Variants in RANBP2 observed in about 807,000 individuals in gnomAD.
RANBP2 encodes RAN binding protein 2.
RANBP2 carries 57 observed loss-of-function variants against 303.6 expected under a neutral mutation model. That is an observed-to-expected ratio of 0.19 (90% confidence interval 0.15 to 0.23). RANBP2 has a LOEUF of 0.23. Ranked by LOEUF, RANBP2 falls within the 10% of genes least tolerant of loss-of-function variation. The pLI, the probability that RANBP2 is intolerant of heterozygous loss-of-function variation, is 1.00. For synonymous variants in RANBP2, 1,167 were observed against 1,301.5 expected, an observed-to-expected ratio of 0.90 and a Z score of 2.23; for missense variants, 3,138 against 3,780.8, an observed-to-expected ratio of 0.83 and a Z score of 4.46.
At chr2:109,157,564 T>A in the RANBP2 span, among the ~76,000 whole-genome samples, 1 of 152,212 alleles carries the variant, frequency 6.6e-6, no homozygotes, top group Non-Finnish European at 1.5e-5. Flanking sequence ...AAAGATTTCC[T>A]TGGTCTCATC....
At chr2:109,247,489 A>G in the RANBP2 span, among the ~76,000 whole-genome samples, 1 of 152,180 alleles carries the variant, frequency 6.6e-6, no homozygotes, top group Non-Finnish European at 1.5e-5. Context: ...GTGCAAAACC[A>G]TTATTCTTCC....
chr2:108,930,974 G>C, the RANBP2 span: 2 of 1,613,846 alleles, frequency 1.2e-6, no homozygotes, highest in African/African-American at 2.7e-5. Flanking sequence ...CACCAGGACG[G>C]GGAGCCAGGG....
intron 1 of RANBP2, among the ~76,000 whole-genome samples, chr2:108,726,830 T>G (rs1694751756): frequency 6.6e-6 from 1 of 152,048 alleles, no homozygotes; most frequent in African/African-American, 2.4e-5. Context: ...GGAGTGGTGA[T>G]GACTCTTAAC....
chr2:109,092,162 T>C, the RANBP2 span, among the ~76,000 whole-genome samples: 3 of 152,176 alleles, frequency 2.0e-5, no homozygotes, highest in Non-Finnish European at 4.4e-5. Context: ...GAACTGCTGA[T>C]GGAAATCTAG....
chr2:109,410,486 A>C, the RANBP2 span, among the ~76,000 whole-genome samples: 2 of 152,202 alleles, frequency 1.3e-5, no homozygotes, highest in Non-Finnish European at 2.9e-5. Flanking sequence ...TGCTTGTGCT[A>C]AGTTCCATCA....
At chr2:108,786,835 G>A (rs145903783), downstream of RANBP2, 2 of 1,592,234 alleles carry the variant, frequency 1.3e-6, no homozygotes, top group South Asian at 2.3e-5. Context: ...GGAGCCGAGG[G>A]TCGTCAAGCC....
chr2:109,168,873 C>T, the RANBP2 span, among the ~76,000 whole-genome samples: 10 of 152,178 alleles, frequency 6.6e-5, no homozygotes, highest in South Asian at 2.1e-4. Context: ...ATGAATGGAA[C>T]GCTGCATGCT....
At chr2:108,990,480 T>C in the RANBP2 span, among the ~76,000 whole-genome samples, 1 of 143,500 alleles carries the variant, frequency 7.0e-6, no homozygotes, top group Non-Finnish European at 1.5e-5. Context: ...TAGCCGGTGG[T>C]GGCATGTGTG....
chr2:109,189,070 A>G, the RANBP2 span, among the ~76,000 whole-genome samples: 1 of 151,416 alleles, frequency 6.6e-6, no homozygotes, highest in Non-Finnish European at 1.5e-5. Flanking sequence ...GTGGAAACCC[A>G]CTCACTCCCC....
chr2:109,300,367 A>G, the RANBP2 span, among the ~76,000 whole-genome samples: 1 of 152,018 alleles, frequency 6.6e-6, no homozygotes, highest in Non-Finnish European at 1.5e-5. Flanking sequence ...TTTAGTAGAG[A>G]TGGGGTTTCA....
At chr2:109,549,358 T>C in the RANBP2 span, among the ~76,000 whole-genome samples, 1 of 152,142 alleles carries the variant, frequency 6.6e-6, no homozygotes, top group Non-Finnish European at 1.5e-5. Context: ...ACTTTATACA[T>C]CATTCATGAG....
the RANBP2 span, among the ~76,000 whole-genome samples, chr2:109,215,413 G>GC: frequency 1.4e-5 from 2 of 147,712 alleles, no homozygotes; most frequent in South Asian, 4.5e-4. Flanking sequence ...GAACTCAGAT[G>GC]CTTTGTAAAA....
chr2:109,677,353 G>A, the RANBP2 span, among the ~76,000 whole-genome samples: 1 of 152,170 alleles, frequency 6.6e-6, no homozygotes, highest in African/African-American at 2.4e-5. Context: ...CAGGGGGCTT[G>A]TGTTCTCAAG....
chr2:108,886,264 A>G, the RANBP2 span, among the ~76,000 whole-genome samples: 1 of 152,076 alleles, frequency 6.6e-6, no homozygotes, highest in African/African-American at 2.4e-5. Context: ...AACATCTGTT[A>G]TTTTTGTCTT....
At chr2:109,526,222 T>C in the RANBP2 span, among the ~76,000 whole-genome samples, 1 of 152,192 alleles carries the variant, frequency 6.6e-6, no homozygotes, top group Non-Finnish European at 1.5e-5. Context: ...ACAGGCTTCC[T>C]TTCTTGGGTT....
At chr2:109,105,738 G>T in the RANBP2 span, among the ~76,000 whole-genome samples, 1 of 151,282 alleles carries the variant, frequency 6.6e-6, no homozygotes, top group African/African-American at 2.4e-5. Flanking sequence ...TGTATTTTTA[G>T]TAGAGTCGGG....
the RANBP2 span, among the ~76,000 whole-genome samples, chr2:109,675,835 C>T: frequency 1.3e-5 from 2 of 152,306 alleles, no homozygotes; most frequent in East Asian, 1.9e-4. Context: ...CAACTCCAGG[C>T]GGCCCCGGCC....
chr2:109,714,963 T>C, the RANBP2 span, among the ~76,000 whole-genome samples: 4 of 107,448 alleles, frequency 3.7e-5, no homozygotes, highest in South Asian at 3.6e-4. Flanking sequence ...TAGGTTTTTT[T>C]TGGGGGGGTG....
chr2:109,467,718 G>A, the RANBP2 span, among the ~76,000 whole-genome samples: 2 of 152,224 alleles, frequency 1.3e-5, no homozygotes, highest in Non-Finnish European at 2.9e-5. Flanking sequence ...ATCTATTTGA[G>A]GATGAGCGTT....
Sources: allele counts gnomAD v4.1 joint callset (sites outside exome capture counted in the v4.1 genomes callset), GRCh38; gene constraint gnomAD v4.1.1; transcripts MANE v1.5; gene names NCBI Gene and HGNC (gene_info 2026-07-23, HGNC 2026-07-21).